The following MYO3B variants were observed in gnomAD, a reference collection of about 807,000 sequenced individuals.
The protein encoded by MYO3B is myosin-IIIb.
Under a neutral mutation model 174.6 loss-of-function variants are expected in MYO3B, and 156 were observed. The ratio of observed to expected loss-of-function variants is 0.89; its 90% CI spans 0.78 to 1.02. MYO3B has a LOEUF of 1.02. Among genes scored for constraint, MYO3B ranks in the 50% least tolerant of loss-of-function variants. MYO3B has a pLI of 0.00. For missense variants in MYO3B, 1,632 were observed against 1,639.4 expected, an observed-to-expected ratio of 1.00 and a Z score of 0.08; for synonymous variants, 563 against 569.1, an observed-to-expected ratio of 0.99 and a Z score of 0.15.
chr2:170,322,458 T>C (rs2093835487), intron 7 of MYO3B, among the ~76,000 whole-genome samples: 1 of 152,112 alleles, frequency 6.6e-6, no homozygotes. Flanking sequence ...GATCTTGAGG[T>C]TGGTGAAAAC....
intron 23 of MYO3B, among the ~76,000 whole-genome samples, chr2:170,448,293 G>T (rs180779449): frequency 4.6e-5 from 7 of 152,350 alleles, no homozygotes; most frequent in Admixed American, 2.0e-4. Context: ...GGAAGATGGA[G>T]TCAGTTATGT....
intron 32 of MYO3B, among the ~76,000 whole-genome samples, chr2:170,602,429 T>C (rs1694571332): frequency 6.6e-6 from 1 of 152,240 alleles, no homozygotes; most frequent in African/African-American, 2.4e-5. Context: ...AGCAATATAC[T>C]TTAATAGCTT....
chr2:170,555,051 ATGTT>A (rs10548895), intron 32 of MYO3B, among the ~76,000 whole-genome samples: 90,692 of 151,226 alleles, frequency 0.6, 29,906 homozygotes, highest in Non-Finnish European at 0.75. Context: ...TCTTCTTTTT[ATGTT>A]TGTTTGTTTT....
chr2:170,489,479 A>G (rs1384789851), intron 25 of MYO3B, among the ~76,000 whole-genome samples: 5 of 152,204 alleles, frequency 3.3e-5, no homozygotes. Flanking sequence ...TAGGGAAGGA[A>G]GTCACTAAAA....
rs1023213719 is a variant in MYO3B at position 170,654,784 on chromosome 2, T to C, written c.*1663T>C. ...TTAATAGGCCTTTTATGAAGATAAA[T>C]AATGAAATGAGGTATTTAAAGATCT... On this transcript the variant is annotated 3_prime_UTR_variant, in exon 35 of 35. Transcript: ENST00000408978. 16 of 150,858 alleles carry C rather than the reference T, an allele frequency of 1.1e-4. No individual in the cohort carries two copies. The highest frequency in any genetic ancestry group is 3.7e-4 in the African/African-American group (15 of 41,022). The allele number at this position is 150,858 out of a possible 1,614,324, so 9.3% of individuals were successfully genotyped here.
intron 3 of MYO3B, among the ~76,000 whole-genome samples, chr2:170,211,805 C>A (rs190546469): frequency 6.6e-6 from 1 of 152,274 alleles, no homozygotes; most frequent in Non-Finnish European, 1.5e-5. Flanking sequence ...TTGCTGTTGG[C>A]CATACAGGAA....
intron 32 of MYO3B, among the ~76,000 whole-genome samples, chr2:170,631,027 G>C (rs929816547): frequency 3.3e-5 from 5 of 152,214 alleles, no homozygotes; most frequent in Non-Finnish European, 7.3e-5. Context: ...CTCCTTGCCA[G>C]CAACAGAACA....
chr2:170,342,677 C>A (rs2093985093), intron 8 of MYO3B, among the ~76,000 whole-genome samples: 1 of 152,086 alleles, frequency 6.6e-6, no homozygotes, highest in Admixed American at 6.6e-5. Context: ...AACTCTTATG[C>A]TAGGCACTGT....
At chr2:170,472,621 T>A (rs1326142919) in intron 25 of MYO3B, among the ~76,000 whole-genome samples, 3 of 152,132 alleles carry the variant, frequency 2.0e-5, no homozygotes, top group African/African-American at 7.2e-5. Context: ...CTACCTCTTA[T>A]CTGAACCTTA....
chr2:170,241,696 C>CTT (rs1553569601), intron 7 of MYO3B, among the ~76,000 whole-genome samples: 1 of 54 alleles, frequency 0.019, no homozygotes, highest in African/African-American at 0.1. Flanking sequence ...GGTAGTGGGG[C>CTT]AGATGGGCAA....
chr2:170,194,081 TTGGAATCA>T (rs1485454837), intron 1 of MYO3B, among the ~76,000 whole-genome samples: 4 of 151,460 alleles, frequency 2.6e-5, no homozygotes, highest in Non-Finnish European at 5.9e-5. Flanking sequence ...TAGCTGGATT[TTGGAATCA>T]TGTGACTTTT....
chr2:170,256,375 G>T (rs1014750199), intron 7 of MYO3B, among the ~76,000 whole-genome samples: 1 of 152,032 alleles, frequency 6.6e-6, no homozygotes, highest in South Asian at 2.1e-4. Flanking sequence ...AATCTTAAAG[G>T]CAGCTTAAGA....
At chr2:170,184,233 T>G (rs11675293) in intron 1 of MYO3B, among the ~76,000 whole-genome samples, 66,161 of 151,818 alleles carry the variant, frequency 0.44, 15,456 homozygotes, top group East Asian at 0.56. Context: ...ATTTTTAAAT[T>G]TACAATAAAT....
chr2:170,345,108 C>G (rs879869105), intron 8 of MYO3B: 1 of 152,232 alleles, frequency 6.6e-6, no homozygotes, highest in African/African-American at 2.4e-5. Flanking sequence ...CTTCCACAGG[C>G]TCTGGTGCAG....
chr2:170,337,368 G>A (rs2093952709), intron 8 of MYO3B, among the ~76,000 whole-genome samples: 1 of 152,116 alleles, frequency 6.6e-6, no homozygotes. Flanking sequence ...CCTTGTCTAA[G>A]CTGTTGTCCT....
At chr2:170,602,094 G>A (rs1476023441) in intron 32 of MYO3B, 1 of 1,171,018 alleles carries the variant, frequency 8.5e-7, no homozygotes, top group African/African-American at 1.5e-5. Context: ...ACCTCTCTGA[G>A]CACTTCTTAG....
intron 25 of MYO3B, among the ~76,000 whole-genome samples, chr2:170,476,058 TG>T (rs1324616510): frequency 2.2e-5 from 3 of 133,942 alleles, no homozygotes; most frequent in Non-Finnish European, 5.3e-5. Flanking sequence ...CCTTTTGAAA[TG>T]GGAGTGTTCC....
chr2:170,566,185 T>G (rs1575174044), intron 32 of MYO3B, among the ~76,000 whole-genome samples: 1 of 152,212 alleles, frequency 6.6e-6, no homozygotes, highest in Admixed American at 6.5e-5. Flanking sequence ...CCCAACAGAT[T>G]GTACTCAAAT....
At position 170,206,560 on chromosome 2, in the gene MYO3B, A is replaced by T. The variant is rs1369925273; in HGVS notation, c.321+6276A>T. Among the ~76,000 whole-genome samples, 1 of 152,206 alleles carries T rather than the reference A, an allele frequency of 6.6e-6. No individual in the cohort carries two copies. Among genetic ancestry groups the T allele is most frequent in the Non-Finnish European group, 1.5e-5 (1 of 68,038 alleles). On this transcript the variant is annotated intron_variant, in intron 3 of 34. Coordinates refer to ENST00000408978, the MANE Select transcript of MYO3B (RefSeq NM_138995.5). This position sits in a 1 kb window ranked among gnomAD's most constrained non-coding sequence, Gnocchi z 4.3. ...GGTTCTTGAGCCCCCAGCCTGACTA[A>T]AGGAGGCAACTGATTCTAACCCATT...
Sources: allele counts gnomAD v4.1 joint callset (sites outside exome capture counted in the v4.1 genomes callset), GRCh38; gene constraint gnomAD v4.1.1; non-coding constraint Gnocchi (gnomAD v3.1); transcripts MANE v1.5; gene names NCBI Gene and HGNC (gene_info 2026-07-23, HGNC 2026-07-21).